AUTS2: variants seen among roughly 807,000 people sequenced by gnomAD.
The protein encoded by AUTS2 is autism susceptibility gene 2 protein.
A neutral mutation model predicts 112.4 loss-of-function variants in AUTS2; 17 were observed. The observed-to-expected ratio is 0.15, with a 90% CI of 0.10 to 0.23. The LOEUF is 0.23. Among genes scored for constraint, AUTS2 ranks in the 10% least tolerant of loss-of-function variants. AUTS2 has a pLI of 1.00. For synonymous variants in AUTS2, 751 were observed against 702.7 expected (o/e 1.07, Z -1.09); for missense variants, 1,510 against 1,701.6 (o/e 0.89, Z 1.98).
intron 1 of AUTS2, among the ~76,000 whole-genome samples, chr7:69,611,227 C>T (rs1377089390): frequency 6.6e-6 from 1 of 152,048 alleles, no homozygotes; most frequent in Non-Finnish European, 1.5e-5. Flanking sequence ...TCTCTGACTC[C>T]CTTAGCATAT....
At chr7:70,641,106 T>C (rs1385290406) in intron 5 of AUTS2, among the ~76,000 whole-genome samples, 1 of 152,200 alleles carries the variant, frequency 6.6e-6, no homozygotes, top group African/African-American at 2.4e-5. Flanking sequence ...ATTAGATGTT[T>C]CTAGTTATGC....
chr7:69,967,382 G>A (rs1797674512), intron 2 of AUTS2, among the ~76,000 whole-genome samples: 1 of 152,080 alleles, frequency 6.6e-6, no homozygotes, highest in African/African-American at 2.4e-5. Context: ...GGCAGTTGAA[G>A]TCCATTTGAG....
chr7:70,542,552 G>A (rs1800594967), intron 5 of AUTS2, among the ~76,000 whole-genome samples: 1 of 152,246 alleles, frequency 6.6e-6, no homozygotes, highest in Non-Finnish European at 1.5e-5. Context: ...CCAGGCACTG[G>A]CGCAGGCCAG....
At chr7:70,223,318 A>G (rs1378052175) in intron 4 of AUTS2, among the ~76,000 whole-genome samples, 1 of 152,206 alleles carries the variant, frequency 6.6e-6, no homozygotes, top group African/African-American at 2.4e-5. Flanking sequence ...TTCGGTTTAC[A>G]TTCCTCATAC....
intron 4 of AUTS2, among the ~76,000 whole-genome samples, chr7:70,269,952 T>C (rs937494359): frequency 6.6e-6 from 1 of 152,138 alleles, no homozygotes; most frequent in African/African-American, 2.4e-5. Flanking sequence ...AGTGGAAGGA[T>C]CGCTTAAGCA....
At chr7:70,119,635 T>C (rs1805580910) in intron 3 of AUTS2, 1 of 152,256 alleles carries the variant, frequency 6.6e-6, no homozygotes, top group Non-Finnish European at 1.5e-5. Flanking sequence ...GTGCTGGGAT[T>C]AGAGCTGTGA....
intron 6 of AUTS2, among the ~76,000 whole-genome samples, chr7:70,749,462 G>A (rs191805309): frequency 1.3e-4 from 20 of 152,260 alleles, no homozygotes; most frequent in Non-Finnish European, 7.4e-5. Context: ...AGCATACATC[G>A]AAGTCATAGT....
intron 2 of AUTS2, among the ~76,000 whole-genome samples, chr7:69,913,599 C>T (rs1274687408): frequency 2.6e-5 from 4 of 152,184 alleles, no homozygotes; most frequent in African/African-American, 4.8e-5. Flanking sequence ...ATCCTTTACT[C>T]GAGGATACCC....
rs139511589 is a variant in AUTS2, at chr7:70,790,233, C to T, written c.3017C>T (p.Pro1006Leu). 1.6e-5 allele frequency: 26 copies of T among 1,612,564 alleles called. No individual in the cohort carries two copies. The highest frequency in any genetic ancestry group is 3.3e-4 in the Middle Eastern group (2 of 6,080). ...CAGACCCACCGGGCCTCGGAGCCGCCGCCTCCCAACTCCTCGTCCAGCGTG... is the reference window on the plus strand; with the variant it reads ...CAGACCCACCGGGCCTCGGAGCCGCTGCCTCCCAACTCCTCGTCCAGCGTG... ...APQTHRASEP[P>L]PPNSSSSVHP... The change falls in exon 19 of 19, where the codon CCG (proline) becomes CTG (leucine). Residue 1006 changes from proline to leucine, a missense_variant. Physicochemically the swap from Pro to Leu is moderately conservative, Grantham distance 98. Transcript: ENST00000342771. The surrounding 1 kb of genome is among the most constrained non-coding windows in gnomAD (Gnocchi z 7.6).
intron 4 of AUTS2, among the ~76,000 whole-genome samples, chr7:70,338,502 C>T (rs1791097781): frequency 6.6e-6 from 1 of 152,162 alleles, no homozygotes; most frequent in South Asian, 2.1e-4. Context: ...AGATCGCCTA[C>T]ATTGTATAAT....
At chr7:69,709,868 G>A (rs1261940643) in intron 1 of AUTS2, among the ~76,000 whole-genome samples, 1 of 151,822 alleles carries the variant, frequency 6.6e-6, no homozygotes, top group African/African-American at 2.4e-5. Context: ...CAGATTTAAT[G>A]CATTGCCTCA....
At chr7:70,645,422 A>G (rs567193150) in intron 5 of AUTS2, among the ~76,000 whole-genome samples, 4 of 152,050 alleles carry the variant, frequency 2.6e-5, no homozygotes, top group Non-Finnish European at 4.4e-5. Context: ...TGCACCAGCC[A>G]CTGAACTCTC....
At chr7:70,717,031 T>C (rs557341064) in intron 6 of AUTS2, among the ~76,000 whole-genome samples, 20 of 143,346 alleles carry the variant, frequency 1.4e-4, no homozygotes, top group African/African-American at 4.7e-4. Context: ...GTTTAAGCCT[T>C]GACACTTTTA....
At chr7:70,167,201 G>C (rs1245159505) in intron 4 of AUTS2, among the ~76,000 whole-genome samples, 1 of 152,140 alleles carries the variant, frequency 6.6e-6, no homozygotes, top group Non-Finnish European at 1.5e-5. Flanking sequence ...ACTCCAGCCT[G>C]GATGACAGAG....
chr7:70,532,412 G>A (rs886959336), intron 5 of AUTS2, among the ~76,000 whole-genome samples: 15 of 152,044 alleles, frequency 9.9e-5, no homozygotes, highest in Non-Finnish European at 1.9e-4. Context: ...ATTCCTTTGG[G>A]TCTTAAAGAG....
At chr7:70,237,863 A>G (rs1360727180) in intron 4 of AUTS2, among the ~76,000 whole-genome samples, 2 of 152,170 alleles carry the variant, frequency 1.3e-5, no homozygotes, top group Non-Finnish European at 2.9e-5. Context: ...CCCTCGGCAC[A>G]TACTTAATTT....
intron 6 of AUTS2, among the ~76,000 whole-genome samples, chr7:70,724,613 T>TC (rs1786912409): frequency 6.6e-6 from 1 of 151,728 alleles, no homozygotes; most frequent in Non-Finnish European, 1.5e-5. Context: ...GCCCGGCTAA[T>TC]TTTTTTATTT....
At chr7:69,883,580 C>T (rs2129538167) in intron 1 of AUTS2, among the ~76,000 whole-genome samples, 1 of 152,286 alleles carries the variant, frequency 6.6e-6, no homozygotes, top group East Asian at 1.9e-4. Flanking sequence ...AGGGCCGATG[C>T]CATCTTTGGG....
chr7:70,380,013 G>T (rs540432609), intron 4 of AUTS2, among the ~76,000 whole-genome samples: 1 of 152,182 alleles, frequency 6.6e-6, no homozygotes, highest in Admixed American at 6.5e-5. Flanking sequence ...ATTCTCCAGG[G>T]TGAGGATGCA....
Sources: gnomAD v4.1 joint callset for allele counts (sites outside exome capture counted in the v4.1 genomes callset) on GRCh38, gnomAD v4.1.1 for gene constraint, Gnocchi (gnomAD v3.1) non-coding constraint, MANE v1.5 for transcripts, NCBI Gene and HGNC (gene_info 2026-07-23, HGNC 2026-07-21) for gene names.